The following IKZF5 variants were observed in gnomAD, a reference collection of about 807,000 sequenced individuals.
IKZF5 encodes the protein IKAROS family zinc finger 5.
In IKZF5, 4 loss-of-function variants were observed where a neutral mutation model predicts 30.7. The ratio of observed to expected loss-of-function variants is 0.13; its 90% CI spans 0.06 to 0.30. IKZF5 has a LOEUF of 0.30. Ranked by LOEUF, IKZF5 falls within the 10% of genes least tolerant of loss-of-function variation. The pLI, the probability that IKZF5 is intolerant of heterozygous loss-of-function variation, is 1.00. For missense variants in IKZF5, 348 were observed against 525.5 expected, an observed-to-expected ratio of 0.66 and a Z score of 3.30; for synonymous variants, 148 against 179.6, an observed-to-expected ratio of 0.82 and a Z score of 1.41.
Position 122,994,310 on chromosome 10 carries a change from G to C in IKZF5, c.730C>G (p.Gln244Glu). 1 of 1,614,066 alleles carries C rather than the reference G, an allele frequency of 6.2e-7. No individual in the cohort carries two copies. The highest frequency in any genetic ancestry group is 1.1e-5 in the South Asian group (1 of 91,054). Residue 244 changes from glutamine (Q) to glutamate (E), a missense_variant, in exon 5 of 5, where the codon CAA becomes GAA. By Grantham distance (29) the Gln-to-Glu change is conservative. Coordinates refer to ENST00000368886, the MANE Select transcript of IKZF5 (RefSeq NM_001372123.1). The surrounding 1 kb of genome is among the most constrained non-coding windows in gnomAD (Gnocchi z 5.6). ...TPTGGLPRDP[Q>E]ELMVDNPLNQ... ...AAAGGGTTATCAACCATGAGTTCTT[G>C]GGGGTCCCTTGGAAGGCCACCAGTT...
At chr10:122,995,107 T>TCACA (rs761641545) in intron 4 of IKZF5, among the ~76,000 whole-genome samples, 1 of 151,960 alleles carries the variant, frequency 6.6e-6, no homozygotes, top group African/African-American at 2.4e-5. Flanking sequence ...ACATTCATAT[T>TCACA]CACACACACA....
chr10:122,996,611 T>A (rs559047394), intron 3 of IKZF5, among the ~76,000 whole-genome samples: 9 of 151,694 alleles, frequency 5.9e-5, no homozygotes, highest in Non-Finnish European at 1.3e-4. Context: ...GGCTGAGGCA[T>A]GAGAATCGCT....
intron 1 of IKZF5, among the ~76,000 whole-genome samples, chr10:123,007,524 CT>C (rs1464128201): frequency 6.6e-6 from 1 of 152,164 alleles, no homozygotes. Context: ...CTTAGTACTG[CT>C]GAACAGCTGT....
In IKZF5 at chr10:123,000,161, G is replaced by C. The variant is rs114299881; in HGVS notation, c.-46-1490C>G. On this transcript the variant is annotated intron_variant, in intron 2 of 4. Transcript: ENST00000368886. ...CAAAATGAACACATTCATAAAATCA[G>C]CACCACAATCAAGAAACAGAAGGAT... is the stretch of plus-strand genomic sequence containing the variant. Among the ~76,000 whole-genome samples the C allele has an allele frequency of 3.4e-3, 511 of 152,258 alleles. 6 individuals carry two copies. The highest frequency in any genetic ancestry group is 0.012 in the African/African-American group (497 of 41,558).
rs894777038 is a variant in IKZF5 at position 122,994,868 on chromosome 10, A to G, written c.317-145T>C. 4.6e-6 allele frequency: 3 copies of G among 648,514 alleles called. No individual in the cohort carries two copies. The highest frequency in any genetic ancestry group is 2.8e-5 in the East Asian group (1 of 35,920). 40.2% of individuals were successfully genotyped at this position (648,514 alleles called of 1,614,324 possible). ...TATTTGCATAGCATATGAGATTGTT[A>G]AAATTTGTAAATAAACCCACAAATT... On this transcript the variant is annotated intron_variant, in intron 4 of 4. Coordinates refer to ENST00000368886, the MANE Select transcript of IKZF5 (RefSeq NM_001372123.1). The surrounding 1 kb of genome is among the most constrained non-coding windows in gnomAD (Gnocchi z 5.6).
intron 3 of IKZF5, among the ~76,000 whole-genome samples, chr10:122,997,703 A>G (rs1363933090): frequency 1.3e-5 from 2 of 152,226 alleles, no homozygotes; most frequent in Non-Finnish European, 2.9e-5. Context: ...CTCTACCACA[A>G]CTGCTCAACT....
chr10:123,001,715 A>C (rs1157688772), intron 2 of IKZF5, among the ~76,000 whole-genome samples: 1 of 152,098 alleles, frequency 6.6e-6, no homozygotes, highest in African/African-American at 2.4e-5. Flanking sequence ...CATACCAGAT[A>C]CTCTTAATAA....
rs143973081 is a variant in IKZF5, at chr10:123,001,228, G to A, written c.-46-2557C>T. ...TCACCGTGTTAGCCAGGATGGTCTC[G>A]ATCTCCCGACCTTGTGATCTGCCCA... On this transcript the variant is annotated intron_variant, in intron 2 of 4. Coordinates refer to ENST00000368886, the MANE Select transcript of IKZF5 (RefSeq NM_001372123.1). Among the ~76,000 whole-genome samples, 614 of 152,078 alleles carry A rather than the reference G, an allele frequency of 4.0e-3. 1 individual carries two copies. The highest frequency in any genetic ancestry group is 6.8e-3 in the Middle Eastern group (2 of 294).
Position 122,994,787 on chromosome 10 carries a change from G to T in IKZF5, c.317-64C>A. ...AGTTCATTTATGGAAAGTTTTGCTT[G>T]TCCATTCATTGGACAACTGGAAATT... On this transcript the variant is annotated intron_variant, in intron 4 of 4. Transcript: ENST00000368886. The surrounding 1 kb of genome is among the most constrained non-coding windows in gnomAD (Gnocchi z 5.6). 7.5e-7 allele frequency: 1 copy of T among 1,330,454 alleles called. No individual in the cohort carries two copies. The highest frequency in any genetic ancestry group is 1.0e-6 in the Non-Finnish European group (1 of 967,826). The allele number at this position is 1,330,454 out of a possible 1,614,324, so 82.4% of individuals were successfully genotyped here.
chr10:123,002,062 G>A (rs1012141289), intron 2 of IKZF5, among the ~76,000 whole-genome samples: 3 of 151,984 alleles, frequency 2.0e-5, no homozygotes, highest in South Asian at 2.1e-4. Context: ...TCTTATTTTC[G>A]TACTTCTTGT....
Position 122,991,093 on chromosome 10 carries a change from T to A in IKZF5, c.*2687A>T, listed in dbSNP as rs1216503156. 2 of 152,136 alleles carry A rather than the reference T, an allele frequency of 1.3e-5. No individual in the cohort carries two copies. Among genetic ancestry groups the A allele is most frequent in the Non-Finnish European group, 2.9e-5 (2 of 68,014 alleles). The allele number at this position is 152,136 out of a possible 1,614,324, so 9.4% of individuals were successfully genotyped here. On this transcript the variant is annotated 3_prime_UTR_variant, in exon 5 of 5. Coordinates refer to ENST00000368886, the MANE Select transcript of IKZF5 (RefSeq NM_001372123.1). Reference sequence around the variant, plus strand: ...AATTAACATTCATTTGATAAATATTTTGTAGAACTTGAAATGAGGATTTTA... The same window carrying A: ...AATTAACATTCATTTGATAAATATTATGTAGAACTTGAAATGAGGATTTTA...
At chr10:123,004,802 C>A (rs1849722982) in intron 2 of IKZF5, among the ~76,000 whole-genome samples, 1 of 152,078 alleles carries the variant, frequency 6.6e-6, no homozygotes. Flanking sequence ...TTTGTGCCCA[C>A]TTGACCTGTA....
chr10:123,006,024 T>C (rs1849767067), intron 2 of IKZF5, among the ~76,000 whole-genome samples: 1 of 152,158 alleles, frequency 6.6e-6, no homozygotes, highest in African/African-American at 2.4e-5. Context: ...AAGTTGAATA[T>C]AGTATGGAAT....
rs1449478120 is a variant in IKZF5 at position 123,008,738 on chromosome 10, C to CCGT, written c.-245_-243dup. On this transcript the variant is annotated 5_prime_UTR_variant, in exon 1 of 5. Transcript: ENST00000368886. ...GTAAACCACACCGCCTTGTTAAATG[C>CCGT]CGTCGCCGCCGCCGCCGTCTTCGTC... The CCGT allele has an allele frequency of 1.3e-4, 77 of 581,064 alleles. No homozygotes were observed. The highest frequency in any genetic ancestry group is 4.0e-5 in the Non-Finnish European group (13 of 324,308). 36.0% of individuals were successfully genotyped at this position (581,064 alleles called of 1,614,324 possible). A position where few individuals can be genotyped will look rare whatever the true frequency, so the allele number is the denominator to read the frequency against.
intron 4 of IKZF5, among the ~76,000 whole-genome samples, chr10:122,995,243 C>CA (rs1849320880): frequency 6.6e-6 from 1 of 152,190 alleles, no homozygotes; most frequent in Non-Finnish European, 1.5e-5. Context: ...AGCATCCCTT[C>CA]AAAATTGCTA....
At chr10:122,999,870 G>C (rs1055863169) in intron 2 of IKZF5, among the ~76,000 whole-genome samples, 1 of 152,036 alleles carries the variant, frequency 6.6e-6, no homozygotes, top group Admixed American at 6.6e-5. Context: ...CTAGCACCTG[G>C]GATAAAAAAG....
rs768696087 is a variant in IKZF5, at chr10:122,998,597, T to G, written c.29A>C (p.Asp10Ala). 4 of 1,613,704 alleles carry G rather than the reference T, an allele frequency of 2.5e-6. No individual in the cohort carries two copies. The Admixed American group carries it at 6.7e-5, about 27-fold the overall frequency. Residue 10 changes from aspartate to alanine, a missense_variant, in exon 3 of 5, where the codon GAC (aspartate) becomes GCC (alanine). Physicochemically the swap from Asp to Ala is moderately radical, Grantham distance 126. This residue lies in a region of IKZF5 where 80 missense variants were observed against 93.2 expected (regional missense o/e 0.86). Coordinates refer to ENST00000368886, the MANE Select transcript of IKZF5 (RefSeq NM_001372123.1). Reference protein sequence around the residue: MGEKKPEPLDFVKDFQEYLT... With the variant: MGEKKPEPLAFVKDFQEYLT... ...GTATTCCTGAAAATCTTTCACGAAG[T>G]CCAAAGGCTCTGGTTTTTTTTCACC...
chr10:123,005,627 A>G (rs1849751962), intron 2 of IKZF5, among the ~76,000 whole-genome samples: 1 of 152,174 alleles, frequency 6.6e-6, no homozygotes, highest in African/African-American at 2.4e-5. Flanking sequence ...TCTAACCCCC[A>G]ATTTGATGGC....
chr10:123,002,824 A>G (rs1269176761), intron 2 of IKZF5, among the ~76,000 whole-genome samples: 1 of 151,234 alleles, frequency 6.6e-6, no homozygotes, highest in Non-Finnish European at 1.5e-5. Flanking sequence ...TATTAGTATT[A>G]CTACCCCTTT....
Sources: gnomAD v4.1 joint callset for allele counts (sites outside exome capture counted in the v4.1 genomes callset) on GRCh38, gnomAD v4.1.1 for gene constraint, gnomAD v4.1.1 regional missense constraint, Gnocchi (gnomAD v3.1) non-coding constraint, MANE v1.5 for transcripts, NCBI Gene and HGNC (gene_info 2026-07-23, HGNC 2026-07-21) for gene names.